Variants in ANKRD45 observed in about 807,000 individuals in gnomAD.
The protein encoded by ANKRD45 is ankyrin repeat domain 45.
ANKRD45 carries 21 observed loss-of-function variants against 28.1 expected under a neutral mutation model. The observed-to-expected ratio is 0.75, with a 90% CI of 0.53 to 1.08. ANKRD45 has a LOEUF of 1.08. ANKRD45 is among the 50% of genes least tolerant of loss of function. The probability of loss-of-function intolerance (pLI) is 0.00; values close to 1 mark genes in which losing one functional copy is unlikely to be tolerated. For missense variants in ANKRD45, 261 were observed against 308.7 expected, an observed-to-expected ratio of 0.85 and a Z score of 1.16; for synonymous variants, 86 against 103.9, an observed-to-expected ratio of 0.83 and a Z score of 1.05.
chr1:173,613,606 G>A (rs868338640), intron 5 of ANKRD45, among the ~76,000 whole-genome samples: 51 of 145,980 alleles, frequency 3.5e-4, no homozygotes, highest in African/African-American at 1.3e-3. Flanking sequence ...GAGGTGGGGG[G>A]TCAGCCCACG....
intron 3 of ANKRD45, 49 bp from the exon 4 acceptor site, chr1:173,627,208 C>A: frequency 7.7e-7 from 1 of 1,293,664 alleles, no homozygotes; most frequent in Non-Finnish European, 1.1e-6. Context: ...ACACAAGAGG[C>A]AAAGCAAGAT....
the ANKRD45 span, among the ~76,000 whole-genome samples, chr1:173,714,483 G>T: frequency 6.6e-6 from 1 of 152,184 alleles, no homozygotes; most frequent in South Asian, 2.1e-4. Context: ...CTGAAAGTTT[G>T]ACCGTGGGAA....
intron 3 of ANKRD45, among the ~76,000 whole-genome samples, chr1:173,639,936 G>C (rs546527643): frequency 6.6e-6 from 1 of 152,216 alleles, no homozygotes; most frequent in South Asian, 2.1e-4. Flanking sequence ...AGCTATCCCA[G>C]GTTTTAAACA....
At chr1:173,705,640 C>G in the ANKRD45 span, among the ~76,000 whole-genome samples, 1 of 151,738 alleles carries the variant, frequency 6.6e-6, no homozygotes, top group African/African-American at 2.4e-5. Context: ...GCACTGTAGC[C>G]TGGGTGATAA....
At chr1:173,632,664 C>A (rs1668245855) in intron 3 of ANKRD45, among the ~76,000 whole-genome samples, 1 of 152,058 alleles carries the variant, frequency 6.6e-6, no homozygotes, top group African/African-American at 2.4e-5. Flanking sequence ...TCATGACTAT[C>A]ATCATGACCA....
chr1:173,684,288 A>T, the ANKRD45 span, among the ~76,000 whole-genome samples: 1 of 152,226 alleles, frequency 6.6e-6, no homozygotes, highest in Admixed American at 6.5e-5. Context: ...AGAAATTTAG[A>T]ACTCATACCT....
At chr1:173,706,015 G>T in the ANKRD45 span, among the ~76,000 whole-genome samples, 1 of 152,020 alleles carries the variant, frequency 6.6e-6, no homozygotes, top group African/African-American at 2.4e-5. Context: ...GCCATTAAGA[G>T]ATCTTCCGGC....
At chr1:173,682,247 T>C in the ANKRD45 span, among the ~76,000 whole-genome samples, 2 of 152,162 alleles carry the variant, frequency 1.3e-5, no homozygotes, top group African/African-American at 4.8e-5. Flanking sequence ...ACATGATCTT[T>C]TTACAGTGTA....
chr1:173,621,537 C>G (rs1220213447), intron 5 of ANKRD45, among the ~76,000 whole-genome samples: 1 of 152,070 alleles, frequency 6.6e-6, no homozygotes, highest in Non-Finnish European at 1.5e-5. Context: ...ATCACATAAG[C>G]AGAACTAAAG....
the ANKRD45 span, among the ~76,000 whole-genome samples, chr1:173,688,861 G>T: frequency 6.7e-6 from 1 of 149,250 alleles, no homozygotes; most frequent in Non-Finnish European, 1.5e-5. Flanking sequence ...GTCTTTCCCT[G>T]CCTGTGCCAG....
rs373392592 is a variant in ANKRD45, at chr1:173,652,229, G to C, written c.329-5216C>G. ...CCCATTCAGTATGATATTGGCTGTG[G>C]GTTTGTCATAAATAGCTCTTATTAT... On this transcript the variant is annotated intron_variant, in intron 2 of 5. Coordinates refer to ENST00000333279, the MANE Select transcript of ANKRD45 (RefSeq NM_198493.3). Among the ~76,000 whole-genome samples, 48 of 152,098 alleles carry C rather than the reference G, an allele frequency of 3.2e-4. No individual in the cohort carries two copies. The Middle Eastern group carries it at 0.01, about 33-fold the overall frequency.
intron 2 of ANKRD45, among the ~76,000 whole-genome samples, chr1:173,651,273 G>GGT (rs1669205147): frequency 1.3e-5 from 2 of 152,150 alleles, no homozygotes; most frequent in African/African-American, 4.8e-5. Context: ...TTTAGCATAA[G>GGT]GTGTAAGGAA....
At chr1:173,662,470 A>G (rs1228696573) in intron 1 of ANKRD45, among the ~76,000 whole-genome samples, 1 of 152,188 alleles carries the variant, frequency 6.6e-6, no homozygotes, top group Admixed American at 6.5e-5. Flanking sequence ...AAGACTGACT[A>G]TTTAAAAGTA....
intron 3 of ANKRD45, 56 bp from the exon 4 acceptor site, chr1:173,627,215 A>G: frequency 8.3e-7 from 1 of 1,209,468 alleles, no homozygotes; most frequent in South Asian, 1.3e-5. Flanking sequence ...AGGCAAAGCA[A>G]GATAGTCAAA....
At chr1:173,665,483 T>C (rs1669978969) in intron 1 of ANKRD45, among the ~76,000 whole-genome samples, 1 of 152,202 alleles carries the variant, frequency 6.6e-6, no homozygotes, top group Non-Finnish European at 1.5e-5. Context: ...AATTCAAAGA[T>C]ATGAAGACAA....
At chr1:173,635,808 A>G in intron 3 of ANKRD45, 1 of 1,533,430 alleles carries the variant, frequency 6.5e-7, no homozygotes, top group Non-Finnish European at 8.7e-7. Flanking sequence ...TTGTCTGTGC[A>G]TTACCTGTGG....
the ANKRD45 span, among the ~76,000 whole-genome samples, chr1:173,688,660 T>C: frequency 4.2e-5 from 6 of 142,146 alleles, no homozygotes; most frequent in African/African-American, 1.8e-4. Flanking sequence ...TCTCTCTTTC[T>C]GCCTCTTTCC....
chr1:173,675,533 G>C, the ANKRD45 span: 1 of 157,090 alleles, frequency 6.4e-6, no homozygotes, highest in East Asian at 1.9e-4. Context: ...AGAATTGCTT[G>C]AACCCAGGGG....
At chr1:173,615,341 C>T (rs1364903966) in intron 5 of ANKRD45, among the ~76,000 whole-genome samples, 1 of 146,402 alleles carries the variant, frequency 6.8e-6, no homozygotes, top group Non-Finnish European at 1.5e-5. Flanking sequence ...GCTGAGATTG[C>T]GCCACTGCAC....
Sources: allele counts gnomAD v4.1 joint callset (sites outside exome capture counted in the v4.1 genomes callset), GRCh38; gene constraint gnomAD v4.1.1; transcripts MANE v1.5; gene names NCBI Gene and HGNC (gene_info 2026-07-23, HGNC 2026-07-21).